The following GALNT10 variants were observed in gnomAD, a reference collection of about 807,000 sequenced individuals.
GALNT10 encodes polypeptide N-acetylgalactosaminyltransferase 10, also known as GalNAc transferase 10.
GALNT10 carries 41 observed loss-of-function variants against 75.0 expected under a neutral mutation model. That is an observed-to-expected ratio of 0.55 (90% CI 0.43 to 0.71). GALNT10 has a LOEUF of 0.71. Among genes scored for constraint, GALNT10 ranks in the 30% least tolerant of loss-of-function variants. GALNT10 has a pLI of 0.00. For synonymous variants in GALNT10, 302 were observed against 313.0 expected (o/e 0.96, Z 0.37); for missense variants, 727 against 818.5 (o/e 0.89, Z 1.36).
chr5:154,267,115 A>G (rs1189874474), intron 1 of GALNT10, among the ~76,000 whole-genome samples: 1 of 152,176 alleles, frequency 6.6e-6, no homozygotes, highest in Non-Finnish European at 1.5e-5. Flanking sequence ...GACCCAAACT[A>G]TTTAGAGAAG....
intron 1 of GALNT10, among the ~76,000 whole-genome samples, chr5:154,250,908 T>C (rs552161012): frequency 4.5e-4 from 68 of 152,314 alleles, no homozygotes; most frequent in African/African-American, 1.4e-3. Context: ...TCTACTTTCT[T>C]GCCTTGCTTA....
intron 3 of GALNT10, among the ~76,000 whole-genome samples, chr5:154,313,297 G>A (rs897590487): frequency 1.3e-5 from 2 of 148,536 alleles, no homozygotes; most frequent in African/African-American, 2.5e-5. Context: ...GTGACAGAGC[G>A]AGACTCTTGA....
At chr5:154,385,665 C>T (rs1316305901) in intron 6 of GALNT10, among the ~76,000 whole-genome samples, 1 of 152,190 alleles carries the variant, frequency 6.6e-6, no homozygotes, top group Non-Finnish European at 1.5e-5. Flanking sequence ...CCAGCACCTC[C>T]CTCACAACTG....
chr5:154,294,364 TA>T (rs1281071201), intron 1 of GALNT10, among the ~76,000 whole-genome samples: 3 of 152,188 alleles, frequency 2.0e-5, no homozygotes, highest in Non-Finnish European at 4.4e-5. Context: ...AAAAAGAATG[TA>T]AAATACCTTA....
chr5:154,328,186 C>G (rs2113115856), intron 3 of GALNT10, among the ~76,000 whole-genome samples: 1 of 152,200 alleles, frequency 6.6e-6, no homozygotes, highest in South Asian at 2.1e-4. Context: ...ATTAAACAAA[C>G]CAACTATAGA....
chr5:154,286,453 CT>C (rs1432102850), intron 1 of GALNT10, among the ~76,000 whole-genome samples: 2 of 145,888 alleles, frequency 1.4e-5, no homozygotes, highest in Non-Finnish European at 3.0e-5. Context: ...TGAAATTGTT[CT>C]TTTAGAATGG....
At chr5:154,197,845 G>A (rs1774969270) in intron 1 of GALNT10, among the ~76,000 whole-genome samples, 3 of 152,168 alleles carry the variant, frequency 2.0e-5, no homozygotes, top group Admixed American at 2.0e-4. Context: ...CTCGAAGAGG[G>A]GCAGGTGCTT....
intron 1 of GALNT10, among the ~76,000 whole-genome samples, chr5:154,254,858 G>A (rs557320815): frequency 6.6e-6 from 1 of 152,254 alleles, no homozygotes. Flanking sequence ...AGGTAATTTA[G>A]CAGCTCAATA....
At chr5:154,354,005 A>G (rs1421244056) in intron 4 of GALNT10, among the ~76,000 whole-genome samples, 1 of 152,210 alleles carries the variant, frequency 6.6e-6, no homozygotes, top group South Asian at 2.1e-4. Flanking sequence ...GAATTAATGA[A>G]TAGGTATGAG....
At chr5:154,297,019 A>G (rs1256028070) in intron 2 of GALNT10, among the ~76,000 whole-genome samples, 1 of 152,226 alleles carries the variant, frequency 6.6e-6, no homozygotes, top group Non-Finnish European at 1.5e-5. Context: ...TGCTCAGTCC[A>G]CAAGCTCCAG....
chr5:154,224,052 G>A (rs1753024886), intron 1 of GALNT10, among the ~76,000 whole-genome samples: 1 of 152,256 alleles, frequency 6.6e-6, no homozygotes, highest in East Asian at 1.9e-4. Context: ...GGAACAGAGA[G>A]AAAAGGCGAT....
chr5:154,391,992 A>C (rs1048979708), intron 7 of GALNT10, among the ~76,000 whole-genome samples: 8 of 152,174 alleles, frequency 5.3e-5, no homozygotes, highest in African/African-American at 1.9e-4. Flanking sequence ...CTGTGACTGC[A>C]GGAAGGTGGG....
At chr5:154,397,788 C>G (rs1018541016) in intron 7 of GALNT10, among the ~76,000 whole-genome samples, 10 of 152,230 alleles carry the variant, frequency 6.6e-5, no homozygotes, top group African/African-American at 2.4e-4. Flanking sequence ...GGTGCCGTGC[C>G]ATTCCTGGCT....
chr5:154,288,967 A>G (rs1216969744), intron 1 of GALNT10, among the ~76,000 whole-genome samples: 1 of 152,204 alleles, frequency 6.6e-6, no homozygotes, highest in Non-Finnish European at 1.5e-5. Flanking sequence ...GGCATATGAC[A>G]TCCTGTTAAT....
rs1158027767 is a variant in GALNT10, at chr5:154,190,945, CTT to C, written c.81_82del (p.Trp28GlyfsTer48). 6.6e-7 allele frequency: 1 copy of C among 1,511,320 alleles called. No individual in the cohort carries two copies. The highest frequency in any genetic ancestry group is 1.4e-5 in the African/African-American group (1 of 70,788). 93.6% of individuals were successfully genotyped at this position (1,511,320 alleles called of 1,614,324 possible). A position where few individuals can be genotyped will look rare whatever the true frequency, so the allele number is the denominator to read the frequency against. On this transcript the variant is annotated frameshift_variant, in exon 1 of 12. Transcript: ENST00000297107. LOFTEE classifies it high-confidence loss of function. ...AALVLLPNVGLWALYRERQPD... is the reference protein window; with the variant it reads ...AALVLLPNVGXWALYRERQPD... ...CCTGGTCCTCCTGCCCAACGTGGGG[CTT>C]TGGGCGCTGTACCGCGAGCGGCAGC... is the stretch of plus-strand genomic sequence containing the variant.
intron 1 of GALNT10, among the ~76,000 whole-genome samples, chr5:154,226,453 T>C (rs771976533): frequency 1.3e-5 from 2 of 152,244 alleles, no homozygotes; most frequent in Non-Finnish European, 2.9e-5. Flanking sequence ...CTGTTCTTGC[T>C]GGGTATATGA....
Position 154,419,839 on chromosome 5 carries a change from G to A in GALNT10, c.*2867G>A, listed in dbSNP as rs906407802. On this transcript the variant is annotated 3_prime_UTR_variant, in exon 12 of 12. Transcript: ENST00000297107. ...AATAAAACTCAGCCAGGAGCATATG[G>A]AGATGCTGACAGCCAGGTAATGGGT... 10 of 152,344 alleles carry A rather than the reference G, an allele frequency of 6.6e-5. 1 individual carries two copies. The highest frequency in any genetic ancestry group is 2.6e-4 in the Admixed American group (4 of 15,300). The allele number at this position is 152,344 out of a possible 1,614,324, so 9.4% of individuals were successfully genotyped here.
At chr5:154,288,154 G>A (rs1056236341) in intron 1 of GALNT10, among the ~76,000 whole-genome samples, 1 of 152,192 alleles carries the variant, frequency 6.6e-6, no homozygotes, top group African/African-American at 2.4e-5. Context: ...TGTGGATGAA[G>A]CAGATGACCT....
chr5:154,274,170 T>C (rs1324610558), intron 1 of GALNT10, among the ~76,000 whole-genome samples: 1 of 152,166 alleles, frequency 6.6e-6, no homozygotes, highest in African/African-American at 2.4e-5. Flanking sequence ...CTGAATGTCA[T>C]TCAGATTCTG....
Sources: allele counts gnomAD v4.1 joint callset (sites outside exome capture counted in the v4.1 genomes callset), GRCh38; gene constraint gnomAD v4.1.1; transcripts MANE v1.5; gene names NCBI Gene and HGNC (gene_info 2026-07-23, HGNC 2026-07-21).